Variants in FRMD4B observed in about 807,000 individuals in gnomAD.
The protein encoded by FRMD4B is FERM domain-containing protein 4B.
Under a neutral mutation model 141.5 loss-of-function variants are expected in FRMD4B, and 74 were observed. The ratio of observed to expected loss-of-function variants is 0.52; its 90% confidence interval spans 0.43 to 0.63. FRMD4B has a LOEUF of 0.63. Among genes scored for constraint, FRMD4B ranks in the 30% least tolerant of loss-of-function variants. FRMD4B has a pLI of 0.00. For missense variants in FRMD4B, 1,366 were observed against 1,253.4 expected (o/e 1.09, Z -1.36); for synonymous variants, 506 against 467.9 (o/e 1.08, Z -1.05).
At chr3:69,299,451 A>G (rs1404389152) in intron 4 of FRMD4B, among the ~76,000 whole-genome samples, 2 of 152,106 alleles carry the variant, frequency 1.3e-5, no homozygotes, top group Admixed American at 1.3e-4. Flanking sequence ...TTATGAGAGG[A>G]GGGGTGGAGA....
rs146794793 is a variant in FRMD4B at position 69,169,612 on chromosome 3, C to T, written c.*2249G>A. ...GCTCAAGCAATCCTCCCACTTCGGC[C>T]TCCCAAAGTGCTGGGATTACAGGTG... On this transcript the variant is annotated 3_prime_UTR_variant, in exon 23 of 23. Coordinates refer to ENST00000398540, the MANE Select transcript of FRMD4B (RefSeq NM_015123.3). Among the ~76,000 whole-genome samples the T allele has an allele frequency of 1.7e-3, 254 of 152,184 alleles. 7 individuals carry two copies. The East Asian group carries it at 0.046, about 27-fold the overall frequency.
At chr3:69,321,216 C>T (rs921815976) in intron 1 of FRMD4B, among the ~76,000 whole-genome samples, 1 of 152,080 alleles carries the variant, frequency 6.6e-6, no homozygotes, top group Non-Finnish European at 1.5e-5. Context: ...TGGAACCACT[C>T]ATAACAACGG....
intron 1 of FRMD4B, among the ~76,000 whole-genome samples, chr3:69,495,584 C>T (rs183408333): frequency 6.6e-6 from 1 of 152,328 alleles, no homozygotes; most frequent in East Asian, 1.9e-4. Context: ...GGTCATCCGA[C>T]AGGCTGGGTT....
In FRMD4B at chr3:69,516,398, G is replaced by T. The variant is rs534517250; in HGVS notation, c.-129+25808C>A. On this transcript the variant is annotated intron_variant, in intron 1 of 5. Transcript: ENST00000459638. ...ATAAGAATCCTAATAAGAGAAAGGA[G>T]GAAAGAGGGTCAAAGTCAAAAAGAG... Among the ~76,000 whole-genome samples the T allele has an allele frequency of 6.3e-4, 96 of 152,236 alleles. 1 individual carries two copies. The highest frequency in any genetic ancestry group is 2.2e-3 in the African/African-American group (91 of 41,528).
chr3:69,482,383 G>A (rs968953597), intron 1 of FRMD4B, among the ~76,000 whole-genome samples: 1 of 152,108 alleles, frequency 6.6e-6, no homozygotes, highest in African/African-American at 2.4e-5. Context: ...CCTCTGAAGT[G>A]TGTCTGCTCC....
chr3:69,541,197 C>A (rs1431250402), intron 1 of FRMD4B: 1 of 152,198 alleles, frequency 6.6e-6, no homozygotes, highest in Non-Finnish European at 1.5e-5. Context: ...AGACTGCTGC[C>A]ATCAGCACCC....
In FRMD4B at chr3:69,178,951, C is replaced by T. The variant is rs959029062; in HGVS notation, c.2851+1948G>A. Among the ~76,000 whole-genome samples, 5 of 151,510 alleles carry T rather than the reference C, an allele frequency of 3.3e-5. No homozygotes were observed. In the South Asian group the frequency reaches 6.3e-4, roughly 19 times the overall value. On this transcript the variant is annotated intron_variant, in intron 21 of 22. Transcript: ENST00000398540. ...GTTGTCATTACTAAAACTGAGTCAC[C>T]GAGAGATCCTTCAGGTGGCTGGAAG...
chr3:69,254,436 T>A (rs1001297161), intron 5 of FRMD4B, among the ~76,000 whole-genome samples: 2 of 152,068 alleles, frequency 1.3e-5, no homozygotes, highest in Non-Finnish European at 2.9e-5. Flanking sequence ...AGTGAAAGTT[T>A]GATGAGAAAC....
chr3:69,225,375 C>T (rs1014758852), intron 7 of FRMD4B, among the ~76,000 whole-genome samples: 1 of 151,898 alleles, frequency 6.6e-6, no homozygotes, highest in East Asian at 1.9e-4. Context: ...CTTTACAGAA[C>T]TTTAAAAAAG....
chr3:69,295,195 G>C (rs1026568603), intron 4 of FRMD4B, among the ~76,000 whole-genome samples: 2 of 152,182 alleles, frequency 1.3e-5, no homozygotes, highest in African/African-American at 4.8e-5. Context: ...GGTGCCAGAA[G>C]CTACATAGTG....
intron 2 of FRMD4B, among the ~76,000 whole-genome samples, chr3:69,428,925 A>C (rs1705129982): frequency 1.3e-5 from 2 of 152,196 alleles, no homozygotes; most frequent in Non-Finnish European, 2.9e-5. Flanking sequence ...TAGGTAGCTC[A>C]TACAAGTAAG....
At chr3:69,530,311 A>T (rs1700992821) in intron 1 of FRMD4B, among the ~76,000 whole-genome samples, 1 of 152,228 alleles carries the variant, frequency 6.6e-6, no homozygotes, top group Admixed American at 6.5e-5. Context: ...TCCCTCATGA[A>T]TAGATTAAGG....
At chr3:69,298,803 T>A (rs547091243) in intron 4 of FRMD4B, among the ~76,000 whole-genome samples, 1 of 152,284 alleles carries the variant, frequency 6.6e-6, no homozygotes, top group African/African-American at 2.4e-5. Flanking sequence ...GCTTTGCTAA[T>A]ATTCCCTTTT....
chr3:69,296,050 T>A (rs2107130764), intron 4 of FRMD4B, among the ~76,000 whole-genome samples: 1 of 152,186 alleles, frequency 6.6e-6, no homozygotes, highest in Non-Finnish European at 1.5e-5. Context: ...CTCCTGACCT[T>A]GTGATCCACC....
chr3:69,463,524 C>T (rs981017345), intron 1 of FRMD4B, among the ~76,000 whole-genome samples: 25 of 152,238 alleles, frequency 1.6e-4, no homozygotes, highest in African/African-American at 6.0e-4. Context: ...CATTATAGAT[C>T]CTAATTTTTT....
chr3:69,289,224 C>A (rs1255158496), intron 4 of FRMD4B, among the ~76,000 whole-genome samples: 1 of 152,144 alleles, frequency 6.6e-6, no homozygotes, highest in Non-Finnish European at 1.5e-5. Context: ...GCTGTATGGC[C>A]TTGGGCAAAT....
At position 69,477,395 on chromosome 3, in the gene FRMD4B, T is replaced by A. The variant is rs1487925255; in HGVS notation, c.-128-44634A>T. On this transcript the variant is annotated intron_variant, in intron 1 of 5. Coordinates refer to the FRMD4B transcript ENST00000459638. ...TACGTCCCATCAATACCTAATTTAC[T>A]GAGAGTTTTTAGCATGAAGGGTTGT... Among the ~76,000 whole-genome samples, 3 of 149,250 alleles carry A rather than the reference T, an allele frequency of 2.0e-5. No homozygotes were observed. In the South Asian group the frequency reaches 6.4e-4, roughly 32 times the overall value.
At chr3:69,475,640 T>C (rs1159301894) in intron 1 of FRMD4B, among the ~76,000 whole-genome samples, 2 of 152,190 alleles carry the variant, frequency 1.3e-5, no homozygotes, top group Non-Finnish European at 2.9e-5. Context: ...AAGTCTTTGC[T>C]ATTGTGAATA....
intron 7 of FRMD4B, among the ~76,000 whole-genome samples, chr3:69,225,192 C>T (rs2093238633): frequency 6.6e-6 from 1 of 152,156 alleles, no homozygotes; most frequent in South Asian, 2.1e-4. Flanking sequence ...AGCAGACCAA[C>T]TCAACCACCT....
Sources: gnomAD v4.1 joint callset for allele counts (sites outside exome capture counted in the v4.1 genomes callset) on GRCh38, gnomAD v4.1.1 for gene constraint, MANE v1.5 for transcripts, NCBI Gene and HGNC (gene_info 2026-07-23, HGNC 2026-07-21) for gene names.